Variants in SLC1A1 observed in about 807,000 individuals in gnomAD.
SLC1A1 encodes solute carrier family 1 member 1.
SLC1A1 carries 43 observed loss-of-function variants against 53.3 expected under a neutral mutation model. The observed-to-expected ratio is 0.81, with a 90% CI of 0.63 to 1.04. The LOEUF is 1.04. Among genes scored for constraint, SLC1A1 ranks in the 50% least tolerant of loss-of-function variants. SLC1A1 has a pLI of 0.00. For synonymous variants in SLC1A1, 307 were observed against 243.2 expected (o/e 1.26, Z -2.44); for missense variants, 748 against 664.9 (o/e 1.12, Z -1.37).
chr9:4,573,275 G>A (rs753895686), intron 7 of SLC1A1, among the ~76,000 whole-genome samples: 1 of 152,160 alleles, frequency 6.6e-6, no homozygotes, highest in Non-Finnish European at 1.5e-5. Flanking sequence ...GATACTGACA[G>A]TGATGTAAAG....
At chr9:4,537,594 A>T (rs1816724781) in intron 1 of SLC1A1, among the ~76,000 whole-genome samples, 3 of 121,664 alleles carry the variant, frequency 2.5e-5, no homozygotes, top group South Asian at 3.3e-4. Context: ...AAAATAAAAT[A>T]AAATAAAAAA....
intron 1 of SLC1A1, among the ~76,000 whole-genome samples, chr9:4,500,938 GCAGCGGTTCC>G: frequency 6.6e-6 from 1 of 152,178 alleles, no homozygotes; most frequent in Non-Finnish European, 1.5e-5. Flanking sequence ...TGAGCTCCGG[GCAGCGGTTCC>G]CACTCAGCCA....
At chr9:4,562,065 CTTTT>C (rs745615028) in intron 3 of SLC1A1, among the ~76,000 whole-genome samples, 1,266 of 94,244 alleles carry the variant, frequency 0.013, 25 homozygotes, top group African/African-American at 0.039. Flanking sequence ...GCCCTAACTA[CTTTT>C]TTTTTTTTTT....
At chr9:4,555,902 G>T (rs972292422) in intron 2 of SLC1A1, among the ~76,000 whole-genome samples, 4 of 152,022 alleles carry the variant, frequency 2.6e-5, no homozygotes, top group African/African-American at 7.3e-5. Context: ...TTTCTGATCT[G>T]TTACAGATCA....
At chr9:4,572,450 G>C (rs1009516857) in intron 7 of SLC1A1, 62 bp downstream of exon 7, 1 of 1,402,514 alleles carries the variant, frequency 7.1e-7, no homozygotes, top group African/African-American at 1.4e-5. Context: ...CTCAAAATTA[G>C]AAAGAAGAGG....
chr9:4,522,510 A>G (rs1816114363), intron 1 of SLC1A1, among the ~76,000 whole-genome samples: 1 of 152,134 alleles, frequency 6.6e-6, no homozygotes, highest in African/African-American at 2.4e-5. Flanking sequence ...CATGCCTTCC[A>G]TGGATTTCAC....
At chr9:4,577,130 T>C (rs159914) in intron 10 of SLC1A1, among the ~76,000 whole-genome samples, 59,683 of 152,038 alleles carry the variant, frequency 0.39, 12,875 homozygotes, top group East Asian at 0.71. Flanking sequence ...GAACTCTGTA[T>C]GGTGTTCACA....
At chr9:4,561,571 T>C (rs369814139) in intron 3 of SLC1A1, 30 bp downstream of exon 3, 2 of 1,270,424 alleles carry the variant, frequency 1.6e-6, no homozygotes, top group Non-Finnish European at 2.3e-6. Flanking sequence ...CCTTACTACT[T>C]TATGTAATGG....
chr9:4,529,997 A>C (rs770251105), intron 1 of SLC1A1, among the ~76,000 whole-genome samples: 1 of 152,128 alleles, frequency 6.6e-6, no homozygotes, highest in Non-Finnish European at 1.5e-5. Context: ...GTATTTTCTT[A>C]TTTATTTAGA....
At chr9:4,515,611 A>ATCAGTGTGAAGC (rs1821134984) in intron 1 of SLC1A1, among the ~76,000 whole-genome samples, 1 of 143,530 alleles carries the variant, frequency 7.0e-6, no homozygotes, top group African/African-American at 3.0e-5. Context: ...GATGAACATC[A>ATCAGTGTGAAGC]ACAATGTCAA....
At chr9:4,529,486 C>T (rs959876930) in intron 1 of SLC1A1, among the ~76,000 whole-genome samples, 1 of 152,122 alleles carries the variant, frequency 6.6e-6, no homozygotes, top group Non-Finnish European at 1.5e-5. Context: ...AGGGGACATG[C>T]ATCCAGCTGT....
rs1326835543 is a variant in SLC1A1, at chr9:4,573,987, G to A, written c.848G>A (p.Gly283Asp). Residue 283 changes from glycine to aspartate, a missense_variant, in exon 8 of 12, where the codon GGC becomes GAC. By Grantham distance (94) the Gly-to-Asp change is moderately conservative. Coordinates refer to ENST00000262352, the MANE Select transcript of SLC1A1 (RefSeq NM_004170.6). ...GACTGGGAAATATTCCGCAAGCTGGGCCTTTACATGGCCACAGTCCTGACT... is the reference window on the plus strand; with the variant it reads ...GACTGGGAAATATTCCGCAAGCTGGACCTTTACATGGCCACAGTCCTGACT... ...VEDWEIFRKL[G>D]LYMATVLTGL... The A allele has an allele frequency of 4.3e-6, 7 of 1,613,268 alleles. No individual in the cohort carries two copies. The highest frequency in any genetic ancestry group is 5.9e-6 in the Non-Finnish European group (7 of 1,179,332).
At position 4,490,640 on chromosome 9, in the gene SLC1A1, C is replaced by T. The variant is rs1357593667; in HGVS notation, c.-40C>T. On this transcript the variant is annotated 5_prime_UTR_variant, in exon 1 of 12. Transcript: ENST00000262352. ...CAGTCCCCGGGTCGCCCAGCCCACG[C>T]GCGCACGGCCGAGCCCAGCGCACAA... is the stretch of plus-strand genomic sequence containing the variant. 3 of 1,563,298 alleles carry T rather than the reference C, an allele frequency of 1.9e-6. No homozygotes were observed. The highest frequency in any genetic ancestry group is 2.6e-6 in the Non-Finnish European group (3 of 1,137,492).
At chr9:4,545,215 C>CTCTCTCTCTCTCTCTT in intron 2 of SLC1A1, among the ~76,000 whole-genome samples, 1 of 151,856 alleles carries the variant, frequency 6.6e-6, no homozygotes, top group East Asian at 1.9e-4. Flanking sequence ...CTCTCTCTCT[C>CTCTCTCTCTCTCTCTT]TCTCCACCTC....
intron 1 of SLC1A1, among the ~76,000 whole-genome samples, chr9:4,514,725 G>A (rs1190052182): frequency 6.6e-6 from 1 of 152,140 alleles, no homozygotes; most frequent in East Asian, 1.9e-4. Context: ...GCTTTAAGCT[G>A]GAGAGTGACT....
intron 10 of SLC1A1, among the ~76,000 whole-genome samples, chr9:4,580,934 G>A (rs1245788984): frequency 6.6e-5 from 10 of 152,062 alleles, no homozygotes; most frequent in African/African-American, 2.2e-4. Context: ...TCTGGGATAC[G>A]TGTGCAGAAC....
At chr9:4,536,192 A>C (rs1564014875) in intron 1 of SLC1A1, among the ~76,000 whole-genome samples, 1 of 152,202 alleles carries the variant, frequency 6.6e-6, no homozygotes, top group Non-Finnish European at 1.5e-5. Flanking sequence ...AAACTGACAA[A>C]TGGGATCTCA....
intron 1 of SLC1A1, among the ~76,000 whole-genome samples, chr9:4,530,999 C>G (rs1007015794): frequency 1.3e-5 from 2 of 152,182 alleles, no homozygotes; most frequent in African/African-American, 4.8e-5. Flanking sequence ...TAATAGTTGG[C>G]TGATGGTCCA....
intron 1 of SLC1A1, among the ~76,000 whole-genome samples, chr9:4,513,675 T>C (rs1343875331): frequency 3.3e-5 from 5 of 152,184 alleles, no homozygotes; most frequent in Non-Finnish European, 7.4e-5. Flanking sequence ...AGCTTTATGA[T>C]ATGGCACAGC....
Sources: gnomAD v4.1 joint callset for allele counts (sites outside exome capture counted in the v4.1 genomes callset) on GRCh38, gnomAD v4.1.1 for gene constraint, MANE v1.5 for transcripts, NCBI Gene and HGNC (gene_info 2026-07-23, HGNC 2026-07-21) for gene names.